NKAIN2: variants seen among roughly 807,000 people sequenced by gnomAD.
NKAIN2 encodes the protein sodium/potassium transporting ATPase interacting 2, also known as sodium/potassium-transporting ATPase subunit beta-1-interacting protein 2.
Under a neutral mutation model 32.6 loss-of-function variants are expected in NKAIN2, and 14 were observed. That is an observed-to-expected ratio of 0.43 (90% CI 0.28 to 0.67). The LOEUF (loss-of-function observed/expected upper bound fraction) is 0.67. Ranked by LOEUF, NKAIN2 falls within the 30% of genes least tolerant of loss-of-function variation. The pLI, the probability that NKAIN2 is intolerant of heterozygous loss-of-function variation, is 0.17. For synonymous variants in NKAIN2, 80 were observed against 87.2 expected, an observed-to-expected ratio of 0.92 and a Z score of 0.46; for missense variants, 198 against 258.3, an observed-to-expected ratio of 0.77 and a Z score of 1.60.
intron 1 of NKAIN2, among the ~76,000 whole-genome samples, chr6:124,045,554 G>T (rs935301336): frequency 6.6e-6 from 1 of 151,956 alleles, no homozygotes; most frequent in Non-Finnish European, 1.5e-5. Context: ...GTCTGCCCTT[G>T]TATGAAAGAT....
intron 1 of NKAIN2, among the ~76,000 whole-genome samples, chr6:123,966,017 A>G (rs1312191671): frequency 6.6e-6 from 1 of 152,178 alleles, no homozygotes; most frequent in Admixed American, 6.5e-5. Flanking sequence ...GCTGGCTGCT[A>G]AGATCAACCC....
intron 3 of NKAIN2, among the ~76,000 whole-genome samples, chr6:124,395,281 G>A (rs1326299613): frequency 6.6e-6 from 1 of 152,094 alleles, no homozygotes; most frequent in Non-Finnish European, 1.5e-5. Flanking sequence ...GGTGATTCCA[G>A]AGAGAAATCT....
intron 3 of NKAIN2, among the ~76,000 whole-genome samples, chr6:124,571,758 T>C (rs1197594733): frequency 1.3e-5 from 2 of 152,200 alleles, no homozygotes; most frequent in Non-Finnish European, 2.9e-5. Context: ...GAGATTTCCA[T>C]CAACAATTCA....
At chr6:124,186,358 A>C (rs1441159008) in intron 1 of NKAIN2, among the ~76,000 whole-genome samples, 4 of 152,082 alleles carry the variant, frequency 2.6e-5, no homozygotes, top group Non-Finnish European at 2.9e-5. Context: ...TGGGAGGACC[A>C]CTTGAGCACA....
chr6:124,415,878 C>CTTTTTTTTTTTTTTTT lies in NKAIN2; in HGVS notation c.273+60533_273+60548dup. Among the ~76,000 whole-genome samples, 68 of 72,592 alleles carry CTTTTTTTTTTTTTTTT rather than the reference C, an allele frequency of 9.4e-4. 3 individuals carry two copies. The highest frequency in any genetic ancestry group is 2.1e-3 in the East Asian group (4 of 1,940). The allele number at this position is 72,592 out of a possible 152,430, so 47.6% of individuals were successfully genotyped here. A position where few individuals can be genotyped will look rare whatever the true frequency, so the allele number is the denominator to read the frequency against. On this transcript the variant is annotated intron_variant, in intron 3 of 6. Coordinates refer to ENST00000368417, the MANE Select transcript of NKAIN2 (RefSeq NM_001040214.3). ...TTTTTTAATTTGCTTTTTTTATTTG[C>CTTTTTTTTTTTTTTTT]TTTTTTTTTTTTTTTTTGCTAATTT...
At chr6:123,861,611 C>G (rs1325468747) in intron 1 of NKAIN2, among the ~76,000 whole-genome samples, 1 of 152,148 alleles carries the variant, frequency 6.6e-6, no homozygotes, top group African/African-American at 2.4e-5. Context: ...AAGTGTTCGT[C>G]TCTCTAATTC....
At chr6:124,760,926 C>A (rs1778235897) in intron 4 of NKAIN2, among the ~76,000 whole-genome samples, 1 of 152,142 alleles carries the variant, frequency 6.6e-6, no homozygotes, top group Non-Finnish European at 1.5e-5. Context: ...TTGTATCCAA[C>A]TACACAGAAT....
At chr6:124,363,854 A>G in intron 3 of NKAIN2, among the ~76,000 whole-genome samples, 1 of 152,224 alleles carries the variant, frequency 6.6e-6, no homozygotes, top group Admixed American at 6.5e-5. Flanking sequence ...AGGCAATTGA[A>G]AATTATTACA....
At chr6:124,706,806 G>A (rs969184531) in intron 4 of NKAIN2, among the ~76,000 whole-genome samples, 1 of 151,894 alleles carries the variant, frequency 6.6e-6, no homozygotes, top group Non-Finnish European at 1.5e-5. Context: ...CAGACTGAAT[G>A]CATTAAAGGA....
At chr6:124,737,800 T>C (rs767459307) in intron 4 of NKAIN2, among the ~76,000 whole-genome samples, 4 of 151,914 alleles carry the variant, frequency 2.6e-5, no homozygotes, top group Admixed American at 2.6e-4. Context: ...TGTTGAGAAC[T>C]GGAGCAAAGG....
chr6:124,255,046 G>T (rs756902124), intron 1 of NKAIN2, among the ~76,000 whole-genome samples: 13 of 152,142 alleles, frequency 8.5e-5, no homozygotes, highest in African/African-American at 2.4e-4. Flanking sequence ...GTAGAGTCCG[G>T]CTGTCTAAAC....
At chr6:124,562,204 C>A (rs544485649) in intron 3 of NKAIN2, among the ~76,000 whole-genome samples, 53 of 152,226 alleles carry the variant, frequency 3.5e-4, no homozygotes, top group African/African-American at 1.2e-3. Flanking sequence ...TATGCTACGT[C>A]ACCAAAAAGA....
intron 3 of NKAIN2, among the ~76,000 whole-genome samples, chr6:124,436,435 A>T (rs974550862): frequency 2.0e-5 from 3 of 152,170 alleles, no homozygotes; most frequent in African/African-American, 7.2e-5. Flanking sequence ...TTTTTGATTC[A>T]TGAACTTAAG....
chr6:124,823,776 G>A lies in NKAIN2; in HGVS notation c.*547G>A, dbSNP rs117027831. ...GATTGTTTGCCCTAAAGGCTGTACC[G>A]TACATACTTGCCTTAACCCACCTAC... On this transcript the variant is annotated 3_prime_UTR_variant, in exon 7 of 7. Transcript: ENST00000368417. 6.1e-4 allele frequency: 95 copies of A among 155,582 alleles called. 1 individual carries two copies. The East Asian group carries it at 0.015, about 25-fold the overall frequency. The allele number at this position is 155,582 out of a possible 1,614,324, so 9.6% of individuals were successfully genotyped here. A position where few individuals can be genotyped will look rare whatever the true frequency, so the allele number is the denominator to read the frequency against.
intron 3 of NKAIN2, among the ~76,000 whole-genome samples, chr6:124,611,693 A>G (rs1399583046): frequency 2.0e-5 from 3 of 152,142 alleles, no homozygotes; most frequent in African/African-American, 7.2e-5. Flanking sequence ...GATTAGAATA[A>G]AATAGTTGTT....
intron 2 of NKAIN2, among the ~76,000 whole-genome samples, chr6:124,289,676 TAGAG>T (rs1166107794): frequency 6.6e-6 from 1 of 152,180 alleles, no homozygotes. Flanking sequence ...CAGGTCTCCA[TAGAG>T]ACTATCACCA....
chr6:124,490,403 A>G, intron 3 of NKAIN2: 1 of 399,256 alleles, frequency 2.5e-6, no homozygotes, highest in Non-Finnish European at 4.8e-6. Flanking sequence ...ACCGTATAGA[A>G]TCATAGAGGT....
At chr6:123,843,679 A>G (rs1446194860) in intron 1 of NKAIN2, among the ~76,000 whole-genome samples, 2 of 152,096 alleles carry the variant, frequency 1.3e-5, no homozygotes, top group African/African-American at 2.4e-5. Flanking sequence ...ATCACGAAAT[A>G]TGAGACTTAA....
chr6:124,451,822 G>A (rs933304255), intron 3 of NKAIN2, among the ~76,000 whole-genome samples: 2 of 152,134 alleles, frequency 1.3e-5, no homozygotes, highest in Non-Finnish European at 2.9e-5. Flanking sequence ...TTCAAGGGAA[G>A]AGATGGGTTT....
Sources: allele counts gnomAD v4.1 joint callset (sites outside exome capture counted in the v4.1 genomes callset), GRCh38; gene constraint gnomAD v4.1.1; transcripts MANE v1.5; gene names NCBI Gene and HGNC (gene_info 2026-07-23, HGNC 2026-07-21).